Variants in RYR3 observed in about 807,000 individuals in gnomAD.
RYR3 encodes the protein ryanodine receptor 3, also known as brain ryanodine receptor-calcium release channel.
In RYR3, 207 loss-of-function variants were observed where a neutral mutation model predicts 584.3. That is an observed-to-expected ratio of 0.35 (90% CI 0.32 to 0.40). The LOEUF is 0.40. Ranked by LOEUF, RYR3 falls within the 10% of genes least tolerant of loss-of-function variation. The pLI is 1.00. For synonymous variants in RYR3, 2,416 were observed against 2,248.5 expected (o/e 1.07, Z -2.11); for missense variants, 5,616 against 6,089.2 (o/e 0.92, Z 2.59).
At chr15:33,614,396 A>G (rs1595840056) in intron 19 of RYR3, among the ~76,000 whole-genome samples, 1 of 152,156 alleles carries the variant, frequency 6.6e-6, no homozygotes, top group Middle Eastern at 3.4e-3. Context: ...TTGGGCTTGC[A>G]GTATCATTTA....
At chr15:33,492,947 C>A (rs1258173175) in intron 2 of RYR3, among the ~76,000 whole-genome samples, 1 of 152,262 alleles carries the variant, frequency 6.6e-6, no homozygotes, top group African/African-American at 2.4e-5. Context: ...AGAGAACAGC[C>A]TCTCCATGGT....
chr15:33,731,323 C>A (rs998762552), intron 47 of RYR3, 151 bp from the exon 48 acceptor site: 5 of 508,732 alleles, frequency 9.8e-6, no homozygotes, highest in African/African-American at 1.9e-5. Context: ...AAAAATAGAA[C>A]TGCCGATAAG....
intron 43 of RYR3, among the ~76,000 whole-genome samples, chr15:33,720,117 A>C (rs768736143): frequency 2.0e-5 from 3 of 152,260 alleles, no homozygotes; most frequent in Non-Finnish European, 4.4e-5. Flanking sequence ...TCAGTCTAAT[A>C]AATTTTTTTC....
intron 11 of RYR3, among the ~76,000 whole-genome samples, chr15:33,563,902 A>G (rs1036488306): frequency 6.6e-6 from 1 of 152,214 alleles, no homozygotes. Context: ...AATAAATAAG[A>G]GACCACATAA....
intron 94 of RYR3, chr15:33,851,215 C>G (rs2079087567): frequency 6.6e-6 from 1 of 152,128 alleles, no homozygotes; most frequent in Admixed American, 6.5e-5. Context: ...CATTCTTATA[C>G]CTGATACACA....
intron 27 of RYR3, among the ~76,000 whole-genome samples, chr15:33,643,971 T>C (rs1421762670): frequency 6.6e-6 from 1 of 152,218 alleles, no homozygotes; most frequent in Non-Finnish European, 1.5e-5. Flanking sequence ...CAATTTTAAC[T>C]AAGGGACAGA....
chr15:33,610,767 A>G (rs2060141578), intron 18 of RYR3, among the ~76,000 whole-genome samples: 1 of 152,230 alleles, frequency 6.6e-6, no homozygotes, highest in South Asian at 2.1e-4. Context: ...AATGGGACTC[A>G]ACTCTAAACA....
intron 12 of RYR3, among the ~76,000 whole-genome samples, chr15:33,572,688 C>CACATAT (rs368204203): frequency 8.6e-4 from 113 of 131,456 alleles, no homozygotes; most frequent in East Asian, 6.6e-3. Flanking sequence ...CACACACACA[C>CACATAT]ACTGGGCTGG....
intron 1 of RYR3, among the ~76,000 whole-genome samples, chr15:33,431,499 A>G (rs1172139812): frequency 6.6e-6 from 1 of 152,202 alleles, no homozygotes; most frequent in African/African-American, 2.4e-5. Context: ...ACAGTGGCTC[A>G]CACCTATAAA....
chr15:33,521,225 A>G (rs2053960724), intron 3 of RYR3, among the ~76,000 whole-genome samples: 1 of 152,154 alleles, frequency 6.6e-6, no homozygotes, highest in Non-Finnish European at 1.5e-5. Context: ...ACTTGTGCAA[A>G]GCAGAATCTA....
At chr15:33,668,063 GA>G (rs35864583) in intron 36 of RYR3, among the ~76,000 whole-genome samples, 1,281 of 97,598 alleles carry the variant, frequency 0.013, 21 homozygotes, top group African/African-American at 0.047. Flanking sequence ...ACTCAGTCTT[GA>G]AAAAAAAAAA....
chr15:33,356,840 A>T (rs1324551294), intron 1 of RYR3, among the ~76,000 whole-genome samples: 2 of 152,188 alleles, frequency 1.3e-5, no homozygotes, highest in Admixed American at 1.3e-4. Flanking sequence ...ATATAGTAAG[A>T]ATCCAGTAAA....
intron 16 of RYR3, among the ~76,000 whole-genome samples, chr15:33,596,498 G>GTA (rs1555547365): frequency 4.4e-5 from 6 of 137,232 alleles, no homozygotes; most frequent in African/African-American, 1.6e-4. Flanking sequence ...CTTTTTTTGG[G>GTA]GGGGGGGGAT....
At chr15:33,682,491 C>A (rs1367503538) in intron 38 of RYR3, among the ~76,000 whole-genome samples, 1 of 152,014 alleles carries the variant, frequency 6.6e-6, no homozygotes, top group African/African-American at 2.4e-5. Flanking sequence ...TATTTGATAT[C>A]ATTGCCTTAA....
chr15:33,533,285 C>T, intron 4 of RYR3, 26 bp from the exon 5 acceptor site: 1 of 1,511,762 alleles, frequency 6.6e-7, no homozygotes, highest in Non-Finnish European at 9.1e-7. Context: ...AGTGTGACTT[C>T]ACTAGTATTT....
At position 33,699,768 on chromosome 15, in the gene RYR3, G is replaced by A. The variant is rs1412149237; in HGVS notation, c.6314G>A (p.Arg2105Gln). The A allele has an allele frequency of 6.8e-6, 11 of 1,613,606 alleles. No individual in the cohort carries two copies. The highest frequency in any genetic ancestry group is 5.5e-5 in the South Asian group (5 of 91,020). ...RFLCYFCRIS[R>Q]QNQKAMFEHL... ...CTTTGCTATTTCTGTCGAATTAGCC[G>A]GCAAAATCAGAAGGCCATGTTTGAG... Residue 2105 changes from arginine to glutamine, a missense_variant, in exon 41 of 104, where the codon CGG becomes CAG. Transcript: ENST00000634891.
chr15:33,865,411 CTG>C lies in RYR3; in HGVS notation c.*188_*189del. 1 of 549,548 alleles carries C rather than the reference CTG, an allele frequency of 1.8e-6. No homozygotes were observed. Among genetic ancestry groups the C allele is most frequent in the Non-Finnish European group, 3.2e-6 (1 of 310,022 alleles). 34.0% of individuals were successfully genotyped at this position (549,548 alleles called of 1,614,324 possible). A position where few individuals can be genotyped will look rare whatever the true frequency, so the allele number is the denominator to read the frequency against. The stretch of plus-strand genomic sequence containing the variant: ...GCTTTTTGTGCCTAATGGACATACA[CTG>C]TGGGAGAGAACCTGTCAAAATGTCG... On this transcript the variant is annotated 3_prime_UTR_variant, in exon 104 of 104. Coordinates refer to ENST00000634891, the MANE Select transcript of RYR3 (RefSeq NM_001036.6).
chr15:33,358,685 A>C (rs545930023), intron 1 of RYR3, among the ~76,000 whole-genome samples: 27 of 151,326 alleles, frequency 1.8e-4, no homozygotes, highest in African/African-American at 6.3e-4. Context: ...GACTTGGTTT[A>C]AACTTAATTT....
At chr15:33,313,330 C>A (rs1967622411) in intron 1 of RYR3, among the ~76,000 whole-genome samples, 1 of 152,182 alleles carries the variant, frequency 6.6e-6, no homozygotes, top group Non-Finnish European at 1.5e-5. Context: ...CCCGCTAGAG[C>A]CTGGCATTGA....
Sources: allele counts gnomAD v4.1 joint callset (sites outside exome capture counted in the v4.1 genomes callset), GRCh38; gene constraint gnomAD v4.1.1; transcripts MANE v1.5; gene names NCBI Gene and HGNC (gene_info 2026-07-23, HGNC 2026-07-21).